The following CNBD1 variants were observed in gnomAD, a reference collection of about 807,000 sequenced individuals.
CNBD1 encodes cyclic nucleotide binding domain containing 1.
A neutral mutation model predicts 54.4 loss-of-function variants in CNBD1; 71 were observed. That is an observed-to-expected ratio of 1.30 (90% CI 1.08 to 1.59). The LOEUF (loss-of-function observed/expected upper bound fraction) is 1.59, where lower values mean the gene tolerates loss of function less well. Among genes scored for constraint, CNBD1 ranks in the 40% most tolerant of loss-of-function variants. The pLI is 0.00. For missense variants in CNBD1, 659 were observed against 518.0 expected (o/e 1.27, Z -2.64); for synonymous variants, 182 against 170.7 (o/e 1.07, Z -0.51).
chr8:87,422,941 TTA>T (rs1807967828), intron 2 of CNBD1, among the ~76,000 whole-genome samples: 3 of 151,964 alleles, frequency 2.0e-5, no homozygotes, highest in Admixed American at 2.0e-4. Context: ...GTATCCTCTT[TTA>T]TTTCCTTGAG....
chr8:87,178,809 G>C (rs1232257844), intron 4 of CNBD1, among the ~76,000 whole-genome samples: 1 of 152,176 alleles, frequency 6.6e-6, no homozygotes, highest in Non-Finnish European at 1.5e-5. Flanking sequence ...GAACCCAAAG[G>C]TAGAGTTTCA....
chr8:87,281,519 C>A (rs28490375), intron 6 of CNBD1, among the ~76,000 whole-genome samples: 36,308 of 118,068 alleles, frequency 0.31, 5,868 homozygotes, highest in African/African-American at 0.42. Context: ...TTGTTTTTTT[C>A]ATCAGAATTC....
At chr8:86,904,181 C>T (rs921856678) in intron 2 of CNBD1, among the ~76,000 whole-genome samples, 3 of 151,846 alleles carry the variant, frequency 2.0e-5, no homozygotes, top group Admixed American at 2.0e-4. Flanking sequence ...TTTAAAAAAG[C>T]CTTCTCTTGA....
chr8:87,176,504 A>C (rs1239287279), intron 4 of CNBD1, among the ~76,000 whole-genome samples: 2 of 128,766 alleles, frequency 1.6e-5, no homozygotes, highest in African/African-American at 5.9e-5. Context: ...TTTTTTTGAG[A>C]TGGAGTTTCA....
chr8:87,318,553 T>C lies in CNBD1; in HGVS notation c.1042+31882T>C, dbSNP rs1021378600. 3.3e-5 allele frequency among the ~76,000 whole-genome samples: 5 copies of C among 152,064 alleles called. No individual in the cohort carries two copies. In the South Asian group the frequency reaches 1.0e-3, roughly 32 times the overall value. On this transcript the variant is annotated intron_variant, in intron 8 of 10. Coordinates refer to ENST00000518476, the MANE Select transcript of CNBD1 (RefSeq NM_173538.3). ...TCCCTCTAATAATGCTGGATGATTA[T>C]TCTCAGTTTTGGGTGCTTTCCTCAC...
chr8:87,394,593 C>T (rs1356120091), intron 2 of CNBD1, among the ~76,000 whole-genome samples: 4 of 151,812 alleles, frequency 2.6e-5, no homozygotes, highest in Admixed American at 6.6e-5. Context: ...ATAGTCAATG[C>T]CATGGTGATA....
At chr8:87,377,414 GT>G (rs1400104105) in intron 10 of CNBD1, among the ~76,000 whole-genome samples, 2 of 149,970 alleles carry the variant, frequency 1.3e-5, no homozygotes, top group Non-Finnish European at 2.9e-5. Context: ...TTGGTTTTTT[GT>G]TCTTGCGATA....
intron 5 of CNBD1, among the ~76,000 whole-genome samples, chr8:87,208,785 T>C (rs1814031567): frequency 6.6e-6 from 1 of 152,138 alleles, no homozygotes; most frequent in South Asian, 2.1e-4. Context: ...ATTTCTCTTC[T>C]ATTTCTTTCA....
chr8:87,413,267 G>A (rs933048021), intron 2 of CNBD1, among the ~76,000 whole-genome samples: 3 of 152,030 alleles, frequency 2.0e-5, no homozygotes, highest in Admixed American at 6.6e-5. Flanking sequence ...TTTCCCTTTT[G>A]CATAGTGAGT....
chr8:87,036,580 C>T (rs1011381871), intron 4 of CNBD1, among the ~76,000 whole-genome samples: 11 of 110,342 alleles, frequency 1.0e-4, no homozygotes, highest in Admixed American at 5.9e-4. Context: ...GGCGACAGAG[C>T]GAGACTGCAT....
At chr8:87,114,481 G>A (rs1279731431) in intron 4 of CNBD1, among the ~76,000 whole-genome samples, 19 of 152,110 alleles carry the variant, frequency 1.2e-4, no homozygotes, top group Admixed American at 1.2e-3. Flanking sequence ...TTTCCAGGTA[G>A]CTGGGTTTAC....
intron 6 of CNBD1, among the ~76,000 whole-genome samples, chr8:87,264,023 T>A (rs1480509893): frequency 1.3e-5 from 2 of 152,144 alleles, no homozygotes. Flanking sequence ...ATACTTTAAG[T>A]TTTAGGGTAC....
At chr8:87,375,261 T>C (rs554188294) in intron 10 of CNBD1, among the ~76,000 whole-genome samples, 11 of 151,886 alleles carry the variant, frequency 7.2e-5, no homozygotes, top group Non-Finnish European at 1.5e-4. Flanking sequence ...GCTGATAGTT[T>C]AGTTACAAAT....
intron 4 of CNBD1, among the ~76,000 whole-genome samples, chr8:86,947,666 G>A (rs1219214715): frequency 6.6e-6 from 1 of 151,786 alleles, no homozygotes; most frequent in African/African-American, 2.4e-5. Context: ...TATTTATGGG[G>A]CACATGAGAT....
intron 4 of CNBD1, among the ~76,000 whole-genome samples, chr8:87,014,716 C>CT (rs1318835184): frequency 1.3e-5 from 2 of 151,470 alleles, no homozygotes; most frequent in African/African-American, 2.4e-5. Flanking sequence ...TATAGGAATA[C>CT]TTTTTTAACA....
chr8:86,954,542 T>C (rs1406493777), intron 4 of CNBD1, among the ~76,000 whole-genome samples: 1 of 150,188 alleles, frequency 6.7e-6, no homozygotes, highest in Non-Finnish European at 1.5e-5. Flanking sequence ...TTTAAAACAA[T>C]CCTTTAATCC....
intron 4 of CNBD1, among the ~76,000 whole-genome samples, chr8:86,969,316 A>G (rs1808166464): frequency 6.6e-6 from 1 of 152,188 alleles, no homozygotes; most frequent in African/African-American, 2.4e-5. Context: ...AAGAACGCAG[A>G]TATTTTGATT....
At chr8:87,327,751 A>G (rs558368214) in intron 8 of CNBD1, among the ~76,000 whole-genome samples, 1 of 152,218 alleles carries the variant, frequency 6.6e-6, no homozygotes, top group Non-Finnish European at 1.5e-5. Flanking sequence ...AAATGCAGAA[A>G]TCACCCGTCT....
chr8:87,205,516 C>A (rs1262074268), intron 4 of CNBD1, among the ~76,000 whole-genome samples: 4 of 152,126 alleles, frequency 2.6e-5, no homozygotes, highest in Non-Finnish European at 4.4e-5. Context: ...ACATACGTAT[C>A]TTTTCACTTA....
Sources: gnomAD v4.1 joint callset for allele counts (sites outside exome capture counted in the v4.1 genomes callset) on GRCh38, gnomAD v4.1.1 for gene constraint, MANE v1.5 for transcripts, NCBI Gene and HGNC (gene_info 2026-07-23, HGNC 2026-07-21) for gene names.